COX7B2: variants seen among roughly 807,000 people sequenced by gnomAD.
COX7B2 encodes the protein cytochrome c oxidase subunit 7B2.
For missense variants in COX7B2, 109 were observed against 95.9 expected (o/e 1.14, Z -0.57); for synonymous variants, 37 against 32.1 (o/e 1.15, Z -0.51).
At chr4:46,776,800 A>G (rs1253483815) in intron 2 of COX7B2, among the ~76,000 whole-genome samples, 2 of 152,094 alleles carry the variant, frequency 1.3e-5, no homozygotes, top group Non-Finnish European at 2.9e-5. Context: ...CTTACTTACA[A>G]CTTACAAAAG....
At chr4:46,833,548 T>G (rs180774010) in intron 2 of COX7B2, among the ~76,000 whole-genome samples, 1 of 152,234 alleles carries the variant, frequency 6.6e-6, no homozygotes, top group Admixed American at 6.5e-5. Flanking sequence ...AAAGGGAAAG[T>G]AAAACTCAGA....
intron 1 of COX7B2, among the ~76,000 whole-genome samples, chr4:46,851,976 G>A (rs1017923543): frequency 6.6e-6 from 1 of 151,976 alleles, no homozygotes; most frequent in Non-Finnish European, 1.5e-5. Flanking sequence ...AGTATCTTGG[G>A]AATATACTTT....
chr4:46,828,370 T>A (rs879033830), intron 2 of COX7B2, among the ~76,000 whole-genome samples: 1 of 152,176 alleles, frequency 6.6e-6, no homozygotes, highest in African/African-American at 2.4e-5. Context: ...AAAGTTCAAA[T>A]TATGAGTTTT....
intron 2 of COX7B2, among the ~76,000 whole-genome samples, chr4:46,802,935 C>T (rs1371315732): frequency 1.3e-5 from 2 of 152,074 alleles, no homozygotes; most frequent in Non-Finnish European, 2.9e-5. Flanking sequence ...GCTTCCTGAG[C>T]TAATAGGTAC....
chr4:46,900,837 T>C (rs114978531), intron 1 of COX7B2, among the ~76,000 whole-genome samples: 194 of 152,262 alleles, frequency 1.3e-3, no homozygotes, highest in African/African-American at 4.5e-3. Context: ...GTCTTGGACT[T>C]CCCAGTCCCC....
At chr4:46,906,093 T>G (rs1273063132) in intron 1 of COX7B2, among the ~76,000 whole-genome samples, 2 of 151,878 alleles carry the variant, frequency 1.3e-5, no homozygotes, top group South Asian at 2.1e-4. Context: ...CCTCCCAAAG[T>G]GCTGGGGTTA....
chr4:46,875,692 C>G (rs1463797087), intron 1 of COX7B2, among the ~76,000 whole-genome samples: 1 of 151,958 alleles, frequency 6.6e-6, no homozygotes, highest in Non-Finnish European at 1.5e-5. Flanking sequence ...CGTCCTATGA[C>G]TTCCCAACTA....
At chr4:46,864,024 T>C (rs889285499) in intron 1 of COX7B2, among the ~76,000 whole-genome samples, 2 of 152,126 alleles carry the variant, frequency 1.3e-5, no homozygotes, top group African/African-American at 4.8e-5. Context: ...CTATTTGGAA[T>C]TTAGGTCACG....
intron 2 of COX7B2, among the ~76,000 whole-genome samples, chr4:46,757,094 T>C (rs960530923): frequency 1.3e-5 from 2 of 152,088 alleles, no homozygotes; most frequent in African/African-American, 4.8e-5. Flanking sequence ...TCATGTGTGA[T>C]ATCAATCTAT....
chr4:46,879,574 T>C (rs1718573550), intron 1 of COX7B2, among the ~76,000 whole-genome samples: 1 of 152,042 alleles, frequency 6.6e-6, no homozygotes, highest in Middle Eastern at 3.2e-3. Context: ...CTCTCCTTGA[T>C]CTTTTCTAAA....
At position 46,889,568 on chromosome 4, in the gene COX7B2, CCA is replaced by C. The variant is rs1349455010; in HGVS notation, c.-105+19590_-105+19591del. Among the ~76,000 whole-genome samples, 3 of 152,154 alleles carry C rather than the reference CCA, an allele frequency of 2.0e-5. No individual in the cohort carries two copies. In the East Asian group the frequency reaches 5.8e-4, roughly 29 times the overall value. ...ATGAGCACTGTATGTCAAATATTAG[CCA>C]CAGAGAGGTGAGAAAGGTATGAAAA... On this transcript the variant is annotated intron_variant, in intron 1 of 2. Transcript: ENST00000355591.
intron 1 of COX7B2, among the ~76,000 whole-genome samples, chr4:46,884,481 T>A (rs1055409443): frequency 6.6e-6 from 1 of 152,242 alleles, no homozygotes; most frequent in Non-Finnish European, 1.5e-5. Flanking sequence ...ACTCACTGAG[T>A]TTTATCACAA....
At chr4:46,786,115 G>A (rs531765172) in intron 2 of COX7B2, among the ~76,000 whole-genome samples, 97 of 151,956 alleles carry the variant, frequency 6.4e-4, no homozygotes, top group Non-Finnish European at 1.2e-3. Flanking sequence ...AAACATGCAA[G>A]TGAACAAAAA....
intron 1 of COX7B2, among the ~76,000 whole-genome samples, chr4:46,895,324 C>A (rs1039485010): frequency 1.3e-5 from 2 of 152,050 alleles, no homozygotes; most frequent in African/African-American, 4.8e-5. Context: ...AAGAATGAGA[C>A]CCTGTCTTTT....
Position 46,875,958 on chromosome 4 carries a change from T to G in COX7B2, c.-104-30944A>C, listed in dbSNP as rs142304698. ...TCTGAGTTTATACTACATAGAGTAA[T>G]TCAGTGAAGTTTATATGCTGCTCTG... On this transcript the variant is annotated intron_variant, in intron 1 of 2. Transcript: ENST00000355591. Among the ~76,000 whole-genome samples the G allele has an allele frequency of 3.2e-4, 48 of 152,242 alleles. 1 individual carries two copies. In the East Asian group the frequency reaches 6.2e-3, roughly 20 times the overall value.
chr4:46,790,382 C>T (rs1717974382), intron 2 of COX7B2, among the ~76,000 whole-genome samples: 1 of 152,178 alleles, frequency 6.6e-6, no homozygotes, highest in South Asian at 2.1e-4. Context: ...TTCACTCATA[C>T]ATACATCAGT....
chr4:46,906,060 AC>A (rs1167195858), intron 1 of COX7B2, among the ~76,000 whole-genome samples: 1 of 150,978 alleles, frequency 6.6e-6, no homozygotes, highest in Non-Finnish European at 1.5e-5. Flanking sequence ...CGATCTCCTG[AC>A]CTCATGATCC....
intron 2 of COX7B2, among the ~76,000 whole-genome samples, chr4:46,756,954 G>A (rs997690344): frequency 6.6e-6 from 1 of 151,866 alleles, no homozygotes; most frequent in African/African-American, 2.4e-5. Context: ...CAAAGGAAAA[G>A]AAATCATTAT....
intron 1 of COX7B2, among the ~76,000 whole-genome samples, chr4:46,902,791 C>G (rs941505780): frequency 5.9e-5 from 9 of 152,126 alleles, no homozygotes; most frequent in African/African-American, 2.2e-4. Context: ...GCACAAGAAT[C>G]ACTTGAACCT....
Sources: allele counts gnomAD v4.1 joint callset (sites outside exome capture counted in the v4.1 genomes callset), GRCh38; gene constraint gnomAD v4.1.1; transcripts MANE v1.5; gene names NCBI Gene and HGNC (gene_info 2026-07-23, HGNC 2026-07-21).